The following ATP2B2 variants were observed in gnomAD, a reference collection of about 807,000 sequenced individuals.
ATP2B2 encodes the protein ATPase plasma membrane Ca2+ transporting 2.
Under a neutral mutation model 120.0 loss-of-function variants are expected in ATP2B2, and 15 were observed. The observed-to-expected ratio is 0.12, with a 90% CI of 0.08 to 0.19. The LOEUF is 0.19. Ranked by LOEUF, ATP2B2 falls within the 10% of genes least tolerant of loss-of-function variation. ATP2B2 has a pLI of 1.00. For missense variants in ATP2B2, 1,045 were observed against 1,719.8 expected (o/e 0.61, Z 6.94); for synonymous variants, 694 against 700.3 (o/e 0.99, Z 0.14).
chr3:10,475,474 C>T (rs991513119), intron 1 of ATP2B2, among the ~76,000 whole-genome samples: 1 of 152,202 alleles, frequency 6.6e-6, no homozygotes, highest in Admixed American at 6.5e-5. Context: ...ATGTGTTGGG[C>T]ACCACACATT....
chr3:10,683,760 G>GTGTGTGTGTATATA (rs1446781892), intron 1 of ATP2B2, among the ~76,000 whole-genome samples: 3 of 53,912 alleles, frequency 5.6e-5, no homozygotes, highest in Non-Finnish European at 7.6e-5. Flanking sequence ...GTGTGTGTGT[G>GTGTGTGTGTATATA]TATATATATA....
At chr3:10,384,694 A>G (rs1285770425) in intron 8 of ATP2B2, among the ~76,000 whole-genome samples, 1 of 152,168 alleles carries the variant, frequency 6.6e-6, no homozygotes, top group Non-Finnish European at 1.5e-5. Context: ...GGACAGAACC[A>G]GGCCCGAGCC....
chr3:10,680,609 C>T (rs1243811634), intron 1 of ATP2B2, among the ~76,000 whole-genome samples: 1 of 152,028 alleles, frequency 6.6e-6, no homozygotes, highest in Non-Finnish European at 1.5e-5. Context: ...GGCTAGGACC[C>T]GGGGGACATT....
Position 10,325,196 on chromosome 3 carries a change from C to T in ATP2B2, c.*3618G>A, listed in dbSNP as rs1039906676. On this transcript the variant is annotated 3_prime_UTR_variant, in exon 23 of 23. Transcript: ENST00000360273. ...GATGATGGCACAGGGAATGACAGAG[C>T]CCAGAATTTGGGGGTGGGAATGGGA... 1 of 151,608 alleles carries T rather than the reference C, an allele frequency of 6.6e-6. No homozygotes were observed. Among genetic ancestry groups the T allele is most frequent in the Non-Finnish European group, 1.5e-5 (1 of 67,978 alleles). 9.4% of individuals were successfully genotyped at this position (151,608 alleles called of 1,614,324 possible). A position where few individuals can be genotyped will look rare whatever the true frequency, so the allele number is the denominator to read the frequency against.
chr3:10,385,091 C>A (rs989461155), intron 8 of ATP2B2, among the ~76,000 whole-genome samples, 177 bp downstream of exon 8: 1 of 152,162 alleles, frequency 6.6e-6, no homozygotes, highest in Non-Finnish European at 1.5e-5. Flanking sequence ...AGAGCTGACT[C>A]CCCCGGCTGT....
At chr3:10,432,925 G>A (rs1051532398) in intron 2 of ATP2B2, among the ~76,000 whole-genome samples, 1 of 152,194 alleles carries the variant, frequency 6.6e-6, no homozygotes, top group Admixed American at 6.5e-5. Flanking sequence ...CTGGACTGGG[G>A]GCTCTGGCTG....
At position 10,338,420 on chromosome 3, in the gene ATP2B2, G is replaced by A. The variant is rs1050107632; in HGVS notation, c.3238-62C>T. 4.1e-5 allele frequency: 65 copies of A among 1,582,498 alleles called. No homozygotes were observed. The East Asian group carries it at 1.4e-3, about 34-fold the overall frequency. On this transcript the variant is annotated intron_variant, in intron 21 of 22. Coordinates refer to ENST00000360273, the MANE Select transcript of ATP2B2 (RefSeq NM_001001331.4). ...TCCTTCCCAGTGGCCTTCTCTCCCT[G>A]ACACCCGCTCCTCTACCTCCCTCCT...
chr3:10,340,372 GAA>G lies in ATP2B2; in HGVS notation c.3130-25_3130-24del, dbSNP rs2060239418. On this transcript the variant is annotated intron_variant, in intron 20 of 22. Transcript: ENST00000360273. This position sits in a 1 kb window ranked among gnomAD's most constrained non-coding sequence, Gnocchi z 5.0. The stretch of plus-strand genomic sequence containing the variant: ...TATCTGGAGGTCACAGGGGAGCAGA[GAA>G]AGAGAGAGAGAGAGGCCATCAGGGA... The G allele has an allele frequency of 6.2e-7, 1 of 1,613,266 alleles. No individual in the cohort carries two copies. Among genetic ancestry groups the G allele is most frequent in the Non-Finnish European group, 8.5e-7 (1 of 1,179,266 alleles).
At chr3:10,388,681 C>T (rs1264263267) in intron 5 of ATP2B2, among the ~76,000 whole-genome samples, 5 of 152,192 alleles carry the variant, frequency 3.3e-5, no homozygotes, top group Admixed American at 3.3e-4. Flanking sequence ...GGGTCACTTC[C>T]TCCTTCTGTC....
chr3:10,553,860 T>C (rs1173541171), intron 2 of ATP2B2, among the ~76,000 whole-genome samples: 2 of 152,070 alleles, frequency 1.3e-5, no homozygotes, highest in Non-Finnish European at 2.9e-5. Flanking sequence ...TATGACCTCA[T>C]GAGGGGGCCA....
intron 1 of ATP2B2, among the ~76,000 whole-genome samples, chr3:10,497,729 C>T (rs140599212): frequency 5.9e-5 from 9 of 152,332 alleles, no homozygotes; most frequent in South Asian, 4.1e-4. Flanking sequence ...CCTTGTACTA[C>T]GGTCTTTGCT....
intron 8 of ATP2B2, among the ~76,000 whole-genome samples, chr3:10,379,779 A>G (rs1472680625): frequency 6.8e-6 from 1 of 147,168 alleles, no homozygotes; most frequent in African/African-American, 2.4e-5. Flanking sequence ...GAGAGAGAGA[A>G]AGAGAGACAG....
At chr3:10,480,463 C>A (rs2065367874) in intron 1 of ATP2B2, among the ~76,000 whole-genome samples, 1 of 152,152 alleles carries the variant, frequency 6.6e-6, no homozygotes, top group East Asian at 1.9e-4. Flanking sequence ...AGGGACACAT[C>A]CCCAGAATGG....
At chr3:10,414,161 G>A (rs1292969907) in intron 2 of ATP2B2, among the ~76,000 whole-genome samples, 1 of 152,216 alleles carries the variant, frequency 6.6e-6, no homozygotes, top group Non-Finnish European at 1.5e-5. Flanking sequence ...CCAAGAAAAA[G>A]TAGGTGAGGC....
chr3:10,574,909 T>C (rs1177271998), intron 2 of ATP2B2, among the ~76,000 whole-genome samples: 1 of 152,156 alleles, frequency 6.6e-6, no homozygotes, highest in Non-Finnish European at 1.5e-5. Context: ...TGGGTTTGTC[T>C]GTCCCTTGCA....
At chr3:10,360,731 G>A (rs892504773) in intron 12 of ATP2B2, among the ~76,000 whole-genome samples, 8 of 152,204 alleles carry the variant, frequency 5.3e-5, no homozygotes, top group Non-Finnish European at 1.0e-4. Context: ...AGATGCTGAC[G>A]CAAGGAAGCC....
At chr3:10,498,393 G>C (rs566551) in intron 1 of ATP2B2, among the ~76,000 whole-genome samples, 107,678 of 152,252 alleles carry the variant, frequency 0.71, 39,200 homozygotes, top group African/African-American at 0.87. Flanking sequence ...AGAAGGATCA[G>C]TGAGCTGGAG....
chr3:10,649,317 T>G (rs1392785878), intron 1 of ATP2B2, among the ~76,000 whole-genome samples: 1 of 152,208 alleles, frequency 6.6e-6, no homozygotes, highest in Non-Finnish European at 1.5e-5. Flanking sequence ...GACAGCACAG[T>G]CACAGAATAT....
rs543914829 is a variant in ATP2B2, at chr3:10,497,840, G to A, written c.-320+7625C>T. ...TTTGCCGACTTCTCACAGCTGCTCC[G>A]GCAAGCAGGTGTTCTTTTGCTGATT... On this transcript the variant is annotated intron_variant, in intron 1 of 22. Transcript: ENST00000360273. Among the ~76,000 whole-genome samples, 24 of 152,254 alleles carry A rather than the reference G, an allele frequency of 1.6e-4. No homozygotes were observed. In the South Asian group the frequency reaches 4.4e-3, roughly 28 times the overall value.
Sources: allele counts gnomAD v4.1 joint callset (sites outside exome capture counted in the v4.1 genomes callset), GRCh38; gene constraint gnomAD v4.1.1; non-coding constraint Gnocchi (gnomAD v3.1); transcripts MANE v1.5; gene names NCBI Gene and HGNC (gene_info 2026-07-23, HGNC 2026-07-21).